KALRN: variants seen among roughly 807,000 people sequenced by gnomAD.
The protein encoded by KALRN is kalirin RhoGEF kinase, also known as kalirin.
Under a neutral mutation model 353.7 loss-of-function variants are expected in KALRN, and 70 were observed. That is an observed-to-expected ratio of 0.20 (90% CI 0.16 to 0.24). KALRN has a LOEUF of 0.24. KALRN is among the 10% of genes least tolerant of loss of function. The probability of loss-of-function intolerance (pLI) is 1.00; values close to 1 mark genes in which losing one functional copy is unlikely to be tolerated. For missense variants in KALRN, 2,791 were observed against 3,756.7 expected (o/e 0.74, Z 6.72); for synonymous variants, 1,391 against 1,434.8 (o/e 0.97, Z 0.69).
chr3:124,090,422 G>C (rs1485060185), intron 1 of KALRN, among the ~76,000 whole-genome samples: 2 of 152,214 alleles, frequency 1.3e-5, no homozygotes, highest in Admixed American at 1.3e-4. Context: ...TGATATTTGA[G>C]GTGACATTTA....
At chr3:124,062,633 TG>T (rs1159274080) in intron 1 of KALRN, among the ~76,000 whole-genome samples, 1 of 152,198 alleles carries the variant, frequency 6.6e-6, no homozygotes, top group Non-Finnish European at 1.5e-5. Context: ...CAAAGGTCTC[TG>T]GGGGTTTTCT....
intron 1 of KALRN, among the ~76,000 whole-genome samples, chr3:124,198,738 GTC>G (rs556653677): frequency 1.2e-3 from 190 of 152,318 alleles, no homozygotes; most frequent in African/African-American, 4.4e-3. Context: ...GAAGACAAAA[GTC>G]TGTGGCTTTC....
At chr3:124,229,149 T>C (rs1056690026) in intron 2 of KALRN, among the ~76,000 whole-genome samples, 6 of 152,254 alleles carry the variant, frequency 3.9e-5, no homozygotes, top group Non-Finnish European at 2.9e-5. Flanking sequence ...GCCTTCTCGC[T>C]GTAACAACAG....
chr3:124,317,954 G>A (rs1206979727), intron 6 of KALRN, among the ~76,000 whole-genome samples: 1 of 152,036 alleles, frequency 6.6e-6, no homozygotes, highest in African/African-American at 2.4e-5. Context: ...TTGCAATGAT[G>A]CCTCATACAA....
intron 10 of KALRN, among the ~76,000 whole-genome samples, chr3:124,361,832 G>T (rs545123465): frequency 1.1e-4 from 16 of 151,614 alleles, no homozygotes; most frequent in African/African-American, 3.9e-4. Flanking sequence ...AGTGATGGTG[G>T]CAGCAGTGGG....
At chr3:124,165,611 C>A (rs191267635) in intron 1 of KALRN, among the ~76,000 whole-genome samples, 26 of 152,298 alleles carry the variant, frequency 1.7e-4, no homozygotes, top group Non-Finnish European at 3.1e-4. Context: ...GAATGCCATG[C>A]CCTAAGAGGC....
intron 5 of KALRN, among the ~76,000 whole-genome samples, chr3:124,288,913 T>C (rs867761783): frequency 1.5e-4 from 23 of 152,186 alleles, no homozygotes; most frequent in Admixed American, 2.0e-4. Flanking sequence ...TTGTGGAACA[T>C]TAAGAGGATA....
In KALRN at chr3:124,269,391, A is replaced by AT. The variant is rs80330260; in HGVS notation, c.969+143dup. The AT allele has an allele frequency of 0.037, 34,659 of 938,836 alleles. 5,503 individuals are homozygous for AT. In the East Asian group the frequency reaches 0.5, roughly 13 times the overall value. 58.2% of individuals were successfully genotyped at this position (938,836 alleles called of 1,614,324 possible). A position where few individuals can be genotyped will look rare whatever the true frequency, so the allele number is the denominator to read the frequency against. The stretch of plus-strand genomic sequence containing the variant: ...GTGCCTACTAGTTTTAGCTAATGTA[A>AT]TTTTTTTAAGCTCACCCTTATATAG... On this transcript the variant is annotated intron_variant, in intron 5 of 59. Coordinates refer to ENST00000682506, the MANE Select transcript of KALRN (RefSeq NM_001388419.1).
intron 39 of KALRN, among the ~76,000 whole-genome samples, chr3:124,657,067 C>A (rs2084140792): frequency 1.3e-5 from 2 of 152,176 alleles, no homozygotes; most frequent in Admixed American, 6.5e-5. Context: ...AAATGAAATT[C>A]TCTATGATCA....
chr3:124,593,942 C>CTACA (rs2076039907), intron 34 of KALRN, among the ~76,000 whole-genome samples: 3 of 152,160 alleles, frequency 2.0e-5, no homozygotes, highest in African/African-American at 7.2e-5. Context: ...ATCCTCCTAC[C>CTACA]TCAGCCCTTC....
chr3:124,129,497 A>G (rs1175678969), intron 1 of KALRN, among the ~76,000 whole-genome samples: 1 of 152,204 alleles, frequency 6.6e-6, no homozygotes, highest in African/African-American at 2.4e-5. Flanking sequence ...TTGTAAGGTC[A>G]GGGAATATGT....
intron 1 of KALRN, among the ~76,000 whole-genome samples, chr3:124,161,360 C>T (rs970262060): frequency 6.6e-6 from 1 of 152,150 alleles, no homozygotes; most frequent in African/African-American, 2.4e-5. Context: ...TTTTGGATGG[C>T]TCTAGAAATT....
chr3:124,546,862 A>G (rs2069736248), intron 33 of KALRN, among the ~76,000 whole-genome samples: 1 of 152,212 alleles, frequency 6.6e-6, no homozygotes, highest in Non-Finnish European at 1.5e-5. Context: ...ATCCTGGCCC[A>G]TATATGCTGG....
intron 37 of KALRN, among the ~76,000 whole-genome samples, chr3:124,642,831 C>T (rs546004847): frequency 1.8e-4 from 6 of 32,746 alleles, no homozygotes; most frequent in East Asian, 0.011. Flanking sequence ...TTTTTTGAGA[C>T]GGAGTTTTGC....
intron 15 of KALRN, among the ~76,000 whole-genome samples, chr3:124,426,784 G>A (rs2093041206): frequency 6.6e-6 from 1 of 152,056 alleles, no homozygotes; most frequent in South Asian, 2.1e-4. Flanking sequence ...ATAGCTACCA[G>A]GAAAATTACT....
chr3:124,099,580 AG>A (rs2061695578), intron 1 of KALRN, among the ~76,000 whole-genome samples: 2 of 152,200 alleles, frequency 1.3e-5, no homozygotes, highest in African/African-American at 4.8e-5. Flanking sequence ...AGTACCCAGT[AG>A]TGGGATTGCT....
At chr3:124,466,027 T>A (rs1463611296) in intron 25 of KALRN, among the ~76,000 whole-genome samples, 2 of 125,614 alleles carry the variant, frequency 1.6e-5, no homozygotes, top group Admixed American at 1.8e-4. Flanking sequence ...TAGTTCTCTC[T>A]CTTGCTCTGT....
At position 124,226,261 on chromosome 3, in the gene KALRN, C is replaced by T. The variant is rs1372150778; in HGVS notation, c.74-1729C>T. On this transcript the variant is annotated intron_variant, in intron 1 of 59. Transcript: ENST00000682506. ...AAATTCTGTAATAATTTATATTGAT[C>T]CTAATTAGCCTCTATTAGTGAAATT... 2.6e-5 allele frequency among the ~76,000 whole-genome samples: 4 copies of T among 151,984 alleles called. No individual in the cohort carries two copies. The South Asian group carries it at 6.2e-4, about 24-fold the overall frequency.
intron 1 of KALRN, among the ~76,000 whole-genome samples, chr3:124,059,359 A>G (rs2041823283): frequency 6.6e-6 from 1 of 152,124 alleles, no homozygotes. Flanking sequence ...AATTATACTA[A>G]TTAACATGTT....
Sources: gnomAD v4.1 joint callset for allele counts (sites outside exome capture counted in the v4.1 genomes callset) on GRCh38, gnomAD v4.1.1 for gene constraint, MANE v1.5 for transcripts, NCBI Gene and HGNC (gene_info 2026-07-23, HGNC 2026-07-21) for gene names.